Variants in DENND5A observed in about 807,000 individuals in gnomAD.
The protein encoded by DENND5A is DENN domain-containing protein 5A.
A neutral mutation model predicts 140.3 loss-of-function variants in DENND5A; 64 were observed. That is an observed-to-expected ratio of 0.46 (90% confidence interval 0.37 to 0.56). DENND5A has a LOEUF of 0.56. Among genes scored for constraint, DENND5A ranks in the 20% least tolerant of loss-of-function variants. The pLI is 0.00. For missense variants in DENND5A, 1,292 were observed against 1,593.8 expected, an observed-to-expected ratio of 0.81 and a Z score of 3.22; for synonymous variants, 605 against 607.7, an observed-to-expected ratio of 1.00 and a Z score of 0.07.
At chr11:9,240,649 G>A (rs1332666200) in intron 1 of DENND5A, among the ~76,000 whole-genome samples, 7 of 151,902 alleles carry the variant, frequency 4.6e-5, no homozygotes, top group African/African-American at 1.2e-4. Flanking sequence ...GGCAGAGTTT[G>A]CAGTGAGCTG....
intron 1 of DENND5A, among the ~76,000 whole-genome samples, chr11:9,219,575 AC>A (rs1258499672): frequency 1.3e-5 from 2 of 152,366 alleles, no homozygotes; most frequent in African/African-American, 4.8e-5. Flanking sequence ...ACAAAAAAAA[AC>A]GACTTACATA....
chr11:9,143,309 T>C (rs1432887810), intron 20 of DENND5A, 94 bp downstream of exon 20: 1 of 1,119,656 alleles, frequency 8.9e-7, no homozygotes, highest in Non-Finnish European at 1.4e-6. Context: ...CCACAGCACA[T>C]GGGCCTGGAA....
intron 4 of DENND5A, 51 bp from the exon 5 acceptor site, chr11:9,193,732 G>T: frequency 6.7e-7 from 1 of 1,481,822 alleles, no homozygotes; most frequent in South Asian, 1.3e-5. Context: ...TCAAAAACAA[G>T]GCACTTGCTT....
At chr11:9,145,905 A>G in intron 16 of DENND5A, 90 bp from the exon 17 acceptor site, 1 of 1,408,340 alleles carries the variant, frequency 7.1e-7, no homozygotes, top group Non-Finnish European at 9.9e-7. Flanking sequence ...GAAGGCTGGC[A>G]CAACTGTGGC....
intron 1 of DENND5A, among the ~76,000 whole-genome samples, chr11:9,212,762 C>G (rs1052559259): frequency 5.3e-5 from 8 of 152,052 alleles, no homozygotes; most frequent in African/African-American, 1.7e-4. Flanking sequence ...ACCAGTAGAC[C>G]TGTACAGGAA....
chr11:9,236,064 GAATC>G (rs1850986750), intron 1 of DENND5A, among the ~76,000 whole-genome samples: 1 of 151,788 alleles, frequency 6.6e-6, no homozygotes, highest in Non-Finnish European at 1.5e-5. Context: ...AACAAGGTGA[GAATC>G]CATCTCTACA....
intron 1 of DENND5A, among the ~76,000 whole-genome samples, chr11:9,217,196 T>A (rs915959293): frequency 6.6e-6 from 1 of 152,134 alleles, no homozygotes; most frequent in Admixed American, 6.6e-5. Context: ...TGGCTTAAGA[T>A]CACATACTGT....
intron 11 of DENND5A, among the ~76,000 whole-genome samples, chr11:9,164,064 T>TG (rs1848091746): frequency 1.2e-5 from 1 of 82,424 alleles, no homozygotes; most frequent in African/African-American, 4.9e-5. Context: ...AGGTTTTTTT[T>TG]TTTTTTTTTT....
chr11:9,178,421 G>A (rs1408883789), intron 7 of DENND5A, 55 bp from the exon 8 acceptor site: 3 of 1,096,296 alleles, frequency 2.7e-6, no homozygotes, highest in Non-Finnish European at 4.1e-6. Flanking sequence ...ATGTCAATGT[G>A]CCCAAGGGAT....
At chr11:9,163,773 C>A (rs1387393174) in intron 11 of DENND5A, among the ~76,000 whole-genome samples, 1 of 145,524 alleles carries the variant, frequency 6.9e-6, no homozygotes, top group Non-Finnish European at 1.5e-5. Flanking sequence ...CACTGTACTC[C>A]AGCCTGGGTG....
intron 9 of DENND5A, 44 bp from the exon 10 acceptor site, chr11:9,169,993 T>C (rs750394112): frequency 1.4e-6 from 2 of 1,381,070 alleles, no homozygotes; most frequent in Admixed American, 1.7e-5. Flanking sequence ...AATGTCTCAC[T>C]TAAAAAGCAA....
At chr11:9,201,465 G>A (rs1039626130) in intron 4 of DENND5A, among the ~76,000 whole-genome samples, 1 of 151,414 alleles carries the variant, frequency 6.6e-6, no homozygotes, top group African/African-American at 2.4e-5. Flanking sequence ...CAGCCCAGGA[G>A]TTTGAGACCA....
chr11:9,206,648 A>G (rs1849699877), intron 3 of DENND5A, 25 bp downstream of exon 3: 3 of 1,497,818 alleles, frequency 2.0e-6, no homozygotes, highest in African/African-American at 2.8e-5. Context: ...AAATTATCTC[A>G]TACTTGTGGC....
intron 18 of DENND5A, 40 bp downstream of exon 18, chr11:9,144,955 C>T: frequency 7.1e-7 from 1 of 1,400,316 alleles, no homozygotes. Context: ...CCTGTAGATA[C>T]ACCTTGCCCC....
At chr11:9,216,814 TG>T in intron 1 of DENND5A, among the ~76,000 whole-genome samples, 1 of 152,284 alleles carries the variant, frequency 6.6e-6, no homozygotes, top group Non-Finnish European at 1.5e-5. Context: ...TGAGCTGCAG[TG>T]AGCTGTGATG....
At chr11:9,216,290 C>G (rs1850091253) in intron 1 of DENND5A, among the ~76,000 whole-genome samples, 1 of 152,194 alleles carries the variant, frequency 6.6e-6, no homozygotes, top group Admixed American at 6.5e-5. Flanking sequence ...GAGCCTGATA[C>G]AGCATGGGAA....
intron 1 of DENND5A, among the ~76,000 whole-genome samples, chr11:9,222,423 C>A (rs183728881): frequency 3.3e-5 from 5 of 152,052 alleles, no homozygotes; most frequent in Non-Finnish European, 5.9e-5. Flanking sequence ...ATGTTTGAAA[C>A]CTTTTAGATC....
intron 1 of DENND5A, among the ~76,000 whole-genome samples, chr11:9,227,169 A>AAAAT (rs540334549): frequency 0.017 from 2,525 of 145,794 alleles, 36 homozygotes; most frequent in East Asian, 0.048. Context: ...ACTCCATCTC[A>AAAAT]AAATAAATAA....
chr11:9,212,807 G>A (rs1284363228), intron 1 of DENND5A, among the ~76,000 whole-genome samples: 1 of 152,110 alleles, frequency 6.6e-6, no homozygotes. Context: ...TACGTATTGT[G>A]TGATTCCATT....
Sources: gnomAD v4.1 joint callset for allele counts (sites outside exome capture counted in the v4.1 genomes callset) on GRCh38, gnomAD v4.1.1 for gene constraint, MANE v1.5 for transcripts, NCBI Gene and HGNC (gene_info 2026-07-23, HGNC 2026-07-21) for gene names.